The following PTPRM variants were observed in gnomAD, a reference collection of about 807,000 sequenced individuals.
The protein encoded by PTPRM is protein tyrosine phosphatase receptor type M, also known as receptor-type tyrosine-protein phosphatase mu.
PTPRM carries 47 observed loss-of-function variants against 186.7 expected under a neutral mutation model. The observed-to-expected ratio is 0.25, with a 90% confidence interval of 0.20 to 0.32. PTPRM has a LOEUF of 0.32. Among genes scored for constraint, PTPRM ranks in the 10% least tolerant of loss-of-function variants. The pLI, the probability that PTPRM is intolerant of heterozygous loss-of-function variation, is 1.00. For synonymous variants in PTPRM, 668 were observed against 674.9 expected, an observed-to-expected ratio of 0.99 and a Z score of 0.16; for missense variants, 1,494 against 1,865.0, an observed-to-expected ratio of 0.80 and a Z score of 3.66.
chr18:7,659,838 C>G (rs1343197621), intron 1 of PTPRM, among the ~76,000 whole-genome samples: 2 of 152,170 alleles, frequency 1.3e-5, no homozygotes, highest in Non-Finnish European at 2.9e-5. Flanking sequence ...CTTGCTTAAT[C>G]TAGTGCAGAA....
chr18:7,996,012 G>A (rs1568153768), intron 7 of PTPRM, among the ~76,000 whole-genome samples: 1 of 152,054 alleles, frequency 6.6e-6, no homozygotes, highest in South Asian at 2.1e-4. Context: ...CTGGGCTTCT[G>A]AAGGTTTTTA....
At chr18:8,121,338 C>T (rs1226795951) in intron 13 of PTPRM, among the ~76,000 whole-genome samples, 1 of 152,212 alleles carries the variant, frequency 6.6e-6, no homozygotes, top group Non-Finnish European at 1.5e-5. Flanking sequence ...CAGGCTGTTC[C>T]ATGTAAATTA....
At chr18:8,199,216 G>A (rs937940694) in intron 14 of PTPRM, among the ~76,000 whole-genome samples, 18 of 152,180 alleles carry the variant, frequency 1.2e-4, no homozygotes, top group African/African-American at 4.1e-4. Flanking sequence ...ATGCAGTGAA[G>A]GAGACACTAG....
chr18:7,865,528 A>G (rs974224830), intron 2 of PTPRM, among the ~76,000 whole-genome samples: 2 of 152,312 alleles, frequency 1.3e-5, no homozygotes, highest in South Asian at 4.1e-4. Flanking sequence ...CATCCCAGGG[A>G]TGAAGCTGAC....
chr18:7,752,470 C>T (rs1192692581), intron 1 of PTPRM, among the ~76,000 whole-genome samples: 1 of 152,154 alleles, frequency 6.6e-6, no homozygotes, highest in African/African-American at 2.4e-5. Flanking sequence ...GTCGCCCAGG[C>T]TGGAGTGCGA....
At chr18:8,131,774 G>A (rs976115148) in intron 13 of PTPRM, among the ~76,000 whole-genome samples, 30 of 152,202 alleles carry the variant, frequency 2.0e-4, no homozygotes, top group African/African-American at 7.2e-4. Context: ...TTACTTAGAA[G>A]CAGGGCTTAG....
chr18:8,372,247 AT>A (rs964258890), intron 24 of PTPRM, among the ~76,000 whole-genome samples: 1 of 143,050 alleles, frequency 7.0e-6, no homozygotes. Flanking sequence ...AATTTTTTGT[AT>A]TTTTTTTAGT....
intron 7 of PTPRM, among the ~76,000 whole-genome samples, chr18:7,974,274 T>G (rs779993768): frequency 5.9e-5 from 9 of 152,202 alleles, no homozygotes; most frequent in African/African-American, 9.6e-5. Flanking sequence ...TCCTAGGCTT[T>G]GAGGATACAG....
chr18:7,902,057 A>G (rs2049720742), intron 3 of PTPRM, among the ~76,000 whole-genome samples: 1 of 152,216 alleles, frequency 6.6e-6, no homozygotes, highest in Non-Finnish European at 1.5e-5. Flanking sequence ...GTATGTATGT[A>G]TGGGTAGGCA....
At chr18:7,619,094 A>G (rs1175539966) in intron 1 of PTPRM, among the ~76,000 whole-genome samples, 3 of 152,198 alleles carry the variant, frequency 2.0e-5, no homozygotes, top group Non-Finnish European at 4.4e-5. Flanking sequence ...GGGGTGCTTT[A>G]TAGCCTCTTT....
At chr18:7,935,222 AG>A (rs1266331649) in intron 5 of PTPRM, among the ~76,000 whole-genome samples, 2 of 152,206 alleles carry the variant, frequency 1.3e-5, no homozygotes, top group African/African-American at 2.4e-5. Flanking sequence ...AAATGCATAA[AG>A]GAGGACTGTC....
intron 1 of PTPRM, among the ~76,000 whole-genome samples, chr18:7,602,237 G>A (rs73385379): frequency 0.027 from 4,104 of 152,242 alleles, 172 homozygotes; most frequent in African/African-American, 0.093. Flanking sequence ...CACTAAGTTG[G>A]TGGTAAGATC....
intron 7 of PTPRM, among the ~76,000 whole-genome samples, chr18:8,017,326 CAGG>C (rs1361910418): frequency 6.6e-6 from 1 of 151,970 alleles, no homozygotes; most frequent in Non-Finnish European, 1.5e-5. Context: ...ATCACAAGGT[CAGG>C]AGTTTGGGAC....
intron 7 of PTPRM, among the ~76,000 whole-genome samples, chr18:8,053,576 G>T (rs115982507): frequency 6.9e-4 from 105 of 152,162 alleles, no homozygotes; most frequent in African/African-American, 2.4e-3. Context: ...AATAACTCTT[G>T]GCATCTGATA....
At chr18:7,902,176 G>T (rs1474203296) in intron 3 of PTPRM, among the ~76,000 whole-genome samples, 1 of 152,192 alleles carries the variant, frequency 6.6e-6, no homozygotes. Context: ...ACTTTTTAAA[G>T]TTTCTAATTA....
intron 1 of PTPRM, among the ~76,000 whole-genome samples, chr18:7,602,522 G>A (rs561078668): frequency 3.3e-5 from 5 of 151,730 alleles, no homozygotes; most frequent in Non-Finnish European, 7.4e-5. Context: ...TGAACTCCTG[G>A]GCTAAAGGGA....
intron 7 of PTPRM, among the ~76,000 whole-genome samples, chr18:8,038,504 GCC>G (rs1568230041): frequency 6.6e-6 from 1 of 150,694 alleles, no homozygotes. Context: ...TGATTCTTGT[GCC>G]TCAGCCTCCC....
intron 7 of PTPRM, among the ~76,000 whole-genome samples, chr18:8,008,381 T>C (rs2084316457): frequency 6.6e-6 from 1 of 152,226 alleles, no homozygotes; most frequent in Non-Finnish European, 1.5e-5. Context: ...AAAAGTTTGA[T>C]CTTTCAGCTT....
intron 21 of PTPRM, among the ~76,000 whole-genome samples, chr18:8,315,851 G>T: frequency 6.6e-6 from 1 of 152,172 alleles, no homozygotes; most frequent in East Asian, 1.9e-4. Context: ...TTTTTGGGTA[G>T]GGACTGGGGT....
Sources: gnomAD v4.1 joint callset for allele counts (sites outside exome capture counted in the v4.1 genomes callset) on GRCh38, gnomAD v4.1.1 for gene constraint, MANE v1.5 for transcripts, NCBI Gene and HGNC (gene_info 2026-07-23, HGNC 2026-07-21) for gene names.